PTPRG: variants seen among roughly 807,000 people sequenced by gnomAD.
PTPRG encodes receptor-type tyrosine-protein phosphatase gamma.
PTPRG carries 102 observed loss-of-function variants against 165.3 expected under a neutral mutation model. The ratio of observed to expected loss-of-function variants is 0.62; its 90% CI spans 0.53 to 0.73. The LOEUF (loss-of-function observed/expected upper bound fraction) is 0.73. PTPRG is among the 30% of genes least tolerant of loss of function. PTPRG has a pLI of 0.00. For missense variants in PTPRG, 1,866 were observed against 1,861.4 expected, an observed-to-expected ratio of 1.00 and a Z score of -0.05; for synonymous variants, 675 against 669.5, an observed-to-expected ratio of 1.01 and a Z score of -0.13.
At position 61,712,561 on chromosome 3, in the gene PTPRG, T is replaced by G. The variant is rs573267449; in HGVS notation, c.86-36317T>G. On this transcript the variant is annotated intron_variant, in intron 1 of 29. Coordinates refer to ENST00000474889, the MANE Select transcript of PTPRG (RefSeq NM_002841.4). ...GGGAGTTCTCATGAGATCTGATGGT[T>G]TAACAGTGGCAGCTTCCCCTGTGCT... 1.4e-4 allele frequency among the ~76,000 whole-genome samples: 22 copies of G among 152,236 alleles called. No homozygotes were observed. In the East Asian group the frequency reaches 4.3e-3, roughly 30 times the overall value.
intron 8 of PTPRG, 102 bp downstream of exon 8, chr3:62,168,265 T>A: frequency 9.0e-7 from 1 of 1,105,054 alleles, no homozygotes; most frequent in Non-Finnish European, 1.3e-6. Flanking sequence ...GACTTGGTGT[T>A]AAATGCATAT....
At chr3:61,745,890 G>A (rs2033178618) in intron 1 of PTPRG, among the ~76,000 whole-genome samples, 1 of 152,126 alleles carries the variant, frequency 6.6e-6, no homozygotes, top group Non-Finnish European at 1.5e-5. Context: ...TGTCATTTGA[G>A]GATCTTCTTT....
At position 62,228,042 on chromosome 3, in the gene PTPRG, G is replaced by A. The variant is rs537423224; in HGVS notation, c.2289-3183G>A. Among the ~76,000 whole-genome samples, 22 of 152,104 alleles carry A rather than the reference G, an allele frequency of 1.4e-4. No homozygotes were observed. The highest frequency in any genetic ancestry group is 4.8e-4 in the African/African-American group (20 of 41,502). The stretch of plus-strand genomic sequence containing the variant: ...CAGTTTGCCAGTCTCTGCCCTCCCC[G>A]CTATTCCCTGCCTGTTTGGCCCCTG... On this transcript the variant is annotated intron_variant, in intron 13 of 29. Coordinates refer to ENST00000474889, the MANE Select transcript of PTPRG (RefSeq NM_002841.4). This position sits in a 1 kb window ranked among gnomAD's most constrained non-coding sequence, Gnocchi z 4.1.
At chr3:61,835,586 C>G (rs1192058861) in intron 2 of PTPRG, among the ~76,000 whole-genome samples, 1 of 152,020 alleles carries the variant, frequency 6.6e-6, no homozygotes, top group Non-Finnish European at 1.5e-5. Flanking sequence ...GCCACCTCAG[C>G]CTCCCAAAGT....
chr3:61,633,271 G>C (rs1385230852), intron 1 of PTPRG, among the ~76,000 whole-genome samples: 2 of 152,092 alleles, frequency 1.3e-5, no homozygotes, highest in African/African-American at 2.4e-5. Context: ...GTTCACTACT[G>C]TTTCCCCCAG....
chr3:62,243,633 G>T (rs1559698336), intron 14 of PTPRG, 174 bp from the exon 15 acceptor site: 6 of 478,252 alleles, frequency 1.3e-5, no homozygotes, highest in Non-Finnish European at 2.2e-5. Context: ...TAGCAATTTT[G>T]GGCCCCTCCA....
chr3:61,920,224 C>A (rs961808189), intron 2 of PTPRG, among the ~76,000 whole-genome samples: 3 of 152,194 alleles, frequency 2.0e-5, no homozygotes, highest in Admixed American at 1.3e-4. Context: ...GTATCTCCAA[C>A]CTCAAGACAG....
chr3:61,570,915 C>T (rs900942905), intron 1 of PTPRG, among the ~76,000 whole-genome samples: 1 of 152,148 alleles, frequency 6.6e-6, no homozygotes, highest in Non-Finnish European at 1.5e-5. Context: ...GGTTACCCAA[C>T]ATCTTACGGA....
At chr3:62,010,819 A>C (rs1043658740) in intron 4 of PTPRG, among the ~76,000 whole-genome samples, 4 of 151,926 alleles carry the variant, frequency 2.6e-5, no homozygotes, top group Non-Finnish European at 4.4e-5. Context: ...CCAGTATAAC[A>C]GTTTTTCCCC....
intron 26 of PTPRG, among the ~76,000 whole-genome samples, chr3:62,280,245 T>C (rs1250288536): frequency 6.6e-6 from 1 of 151,976 alleles, no homozygotes; most frequent in Admixed American, 6.6e-5. Flanking sequence ...CCCTTACCAT[T>C]TATTAGCAGA....
intron 8 of PTPRG, among the ~76,000 whole-genome samples, chr3:62,180,198 C>T (rs141997562): frequency 2.8e-4 from 42 of 152,280 alleles, no homozygotes; most frequent in African/African-American, 9.9e-4. Context: ...GATTTCCTGA[C>T]GTGGCTGTTG....
chr3:61,899,561 C>T (rs565605670), intron 2 of PTPRG, among the ~76,000 whole-genome samples: 3 of 152,238 alleles, frequency 2.0e-5, no homozygotes, highest in East Asian at 1.9e-4. Context: ...TGGAACATTG[C>T]TCTCTGTTGT....
intron 1 of PTPRG, among the ~76,000 whole-genome samples, chr3:61,621,926 G>T (rs959259547): frequency 6.6e-6 from 1 of 152,174 alleles, no homozygotes; most frequent in Non-Finnish European, 1.5e-5. Context: ...GTCTGGCATT[G>T]TGTACATGCC....
At position 62,078,647 on chromosome 3, in the gene PTPRG, C is replaced by T. The variant is rs188286037; in HGVS notation, c.615+389C>T. Among the ~76,000 whole-genome samples the T allele has an allele frequency of 3.8e-3, 585 of 152,134 alleles. 1 individual carries two copies. The highest frequency in any genetic ancestry group is 0.013 in the African/African-American group (554 of 41,514). ...TGCAAGTAAGTTAATAAATAGCATC[C>T]GTCACTTTTCTAAAGAGACCCCCTC... On this transcript the variant is annotated intron_variant, in intron 5 of 29. Coordinates refer to ENST00000474889, the MANE Select transcript of PTPRG (RefSeq NM_002841.4).
chr3:61,646,207 G>A (rs981458310), intron 1 of PTPRG, among the ~76,000 whole-genome samples: 2 of 152,162 alleles, frequency 1.3e-5, no homozygotes, highest in African/African-American at 4.8e-5. Flanking sequence ...CTGAACTGAA[G>A]CAATCCTCCC....
Position 62,295,953 on chromosome 3 carries a change from C to G in PTPRG, c.*2646C>G, listed in dbSNP as rs1345216259. The G allele has an allele frequency of 6.6e-6, 1 of 152,026 alleles. No homozygotes were observed. Among genetic ancestry groups the G allele is most frequent in the Non-Finnish European group, 1.5e-5 (1 of 67,978 alleles). The allele number at this position is 152,026 out of a possible 1,614,324, so 9.4% of individuals were successfully genotyped here. On this transcript the variant is annotated 3_prime_UTR_variant, in exon 30 of 30. Transcript: ENST00000474889. ...CATAACAAGGTTATTAACACTTGCA[C>G]TCAGGGGAAAGGAAATAGCTATTGC... is the stretch of plus-strand genomic sequence containing the variant.
intron 7 of PTPRG, among the ~76,000 whole-genome samples, chr3:62,165,767 T>C (rs1704948412): frequency 6.6e-6 from 1 of 152,208 alleles, no homozygotes; most frequent in Non-Finnish European, 1.5e-5. Flanking sequence ...GGTGAATTCA[T>C]ATACTTCAAT....
chr3:61,939,557 A>G (rs369232092), intron 2 of PTPRG, among the ~76,000 whole-genome samples: 1 of 152,316 alleles, frequency 6.6e-6, no homozygotes, highest in South Asian at 2.1e-4. Flanking sequence ...AAGGTGCTGC[A>G]TTTTGGGAGA....
intron 1 of PTPRG, among the ~76,000 whole-genome samples, chr3:61,601,446 G>A (rs1406375253): frequency 6.6e-6 from 1 of 152,166 alleles, no homozygotes; most frequent in Non-Finnish European, 1.5e-5. Flanking sequence ...TTATTATCTA[G>A]AGGAAAATTG....
Sources: gnomAD v4.1 joint callset for allele counts (sites outside exome capture counted in the v4.1 genomes callset) on GRCh38, gnomAD v4.1.1 for gene constraint, Gnocchi (gnomAD v3.1) non-coding constraint, MANE v1.5 for transcripts, NCBI Gene and HGNC (gene_info 2026-07-23, HGNC 2026-07-21) for gene names.